The following SYT3 variants were observed in gnomAD, a reference collection of about 807,000 sequenced individuals.
SYT3 encodes the protein synaptotagmin 3, also known as synaptotagmin-3.
In SYT3, 25 loss-of-function variants were observed where a neutral mutation model predicts 50.6. The observed-to-expected ratio is 0.49, with a 90% CI of 0.36 to 0.69. The LOEUF (loss-of-function observed/expected upper bound fraction) is 0.69, where lower values mean the gene tolerates loss of function less well. Among genes scored for constraint, SYT3 ranks in the 30% least tolerant of loss-of-function variants. The probability of loss-of-function intolerance (pLI) is 0.00; values close to 1 mark genes in which losing one functional copy is unlikely to be tolerated. For missense variants in SYT3, 589 were observed against 793.6 expected (o/e 0.74, Z 3.10); for synonymous variants, 323 against 353.9 (o/e 0.91, Z 0.98).
chr19:50,637,208 A>G lies in SYT3; in HGVS notation c.148+56T>C, dbSNP rs1984522275. On this transcript the variant is annotated intron_variant, in intron 3 of 10. Coordinates refer to ENST00000600079, the MANE Select transcript of SYT3 (RefSeq NM_001160329.2). This position sits in a 1 kb window ranked among gnomAD's most constrained non-coding sequence, Gnocchi z 4.9. ...TGGAAAGCTGAGCAGTTCTGCTCCG[A>G]GTCTCCTGGCCATAGTGCAAGCAGG... The G allele has an allele frequency of 1.3e-6, 2 of 1,589,358 alleles. No individual in the cohort carries two copies. The highest frequency in any genetic ancestry group is 1.7e-6 in the Non-Finnish European group (2 of 1,163,010).
At chr19:50,636,203 G>A (rs929112075) in intron 3 of SYT3, among the ~76,000 whole-genome samples, 1 of 150,904 alleles carries the variant, frequency 6.6e-6, no homozygotes, top group African/African-American at 2.4e-5. Flanking sequence ...GCAGTGAGCC[G>A]AGATCCCACC....
At chr19:50,645,360 G>T in the SYT3 span, among the ~76,000 whole-genome samples, 1 of 152,136 alleles carries the variant, frequency 6.6e-6, no homozygotes, top group Non-Finnish European at 1.5e-5. Flanking sequence ...CACAGAAGCA[G>T]AGAGATGGGG....
Position 50,629,984 on chromosome 19 carries a change from C to A in SYT3, c.862G>T (p.Gly288Cys). 1 of 1,613,730 alleles carries A rather than the reference C, an allele frequency of 6.2e-7. No individual in the cohort carries two copies. The highest frequency in any genetic ancestry group is 8.5e-7 in the Non-Finnish European group (1 of 1,179,794). Residue 288 changes from glycine to cysteine, a missense_variant, in exon 5 of 11, where the codon GGC becomes TGC. This residue lies in a region of SYT3 where 273 missense variants were observed against 439.3 expected (regional missense o/e 0.62). Transcript: ENST00000600079. ...TGPGGRRSGGGPGSGEAGTGA... is the reference protein window; with the variant it reads ...TGPGGRRSGGCPGSGEAGTGA... ...GTGCCTGCCTCTCCAGAGCCTGGGC[C>A]CCCACCGCTCCGCCGGCCACCAGGG...
In SYT3 at chr19:50,639,420, T is replaced by A. The variant is rs903576790; in HGVS notation, c.-153-258A>T. On this transcript the variant is annotated intron_variant, in intron 1 of 10. Transcript: ENST00000600079. The surrounding 1 kb of genome is among the most constrained non-coding windows in gnomAD (Gnocchi z 4.6). Reference sequence around the variant, plus strand: ...CCGGGCTGCAGAGAGGATGGGATTTTTTTTTTTTTTTTAAGGTTTTGGGGG... The same window carrying A: ...CCGGGCTGCAGAGAGGATGGGATTTATTTTTTTTTTTTAAGGTTTTGGGGG... 8.3e-6 allele frequency: 1 copy of A among 121,178 alleles called. No homozygotes were observed. The highest frequency in any genetic ancestry group is 1.8e-5 in the Non-Finnish European group (1 of 56,546). 7.5% of individuals were successfully genotyped at this position (121,178 alleles called of 1,614,324 possible).
At chr19:50,640,141 C>G (rs888019734), upstream of SYT3, among the ~76,000 whole-genome samples, 1 of 152,156 alleles carries the variant, frequency 6.6e-6, no homozygotes, top group Admixed American at 6.5e-5. Flanking sequence ...GGCCCCTCTT[C>G]CCAGGAACCC....
At chr19:50,657,846 C>T in the SYT3 span, 15 of 1,092,924 alleles carry the variant, frequency 1.4e-5, no homozygotes, top group African/African-American at 1.8e-4. Flanking sequence ...CGACAGTACC[C>T]TGGGATTAAG....
intron 6 of SYT3, among the ~76,000 whole-genome samples, chr19:50,627,812 G>A (rs1984131916): frequency 6.6e-6 from 1 of 152,070 alleles, no homozygotes; most frequent in Admixed American, 6.6e-5. Flanking sequence ...ATGATGGAGA[G>A]AGAAAATGAG....
chr19:50,635,798 CAT>C (rs1247422932), intron 3 of SYT3, among the ~76,000 whole-genome samples: 19 of 152,214 alleles, frequency 1.2e-4, no homozygotes, highest in Non-Finnish European at 2.1e-4. Flanking sequence ...CATGCTGTCA[CAT>C]GTCGTTGCTG....
Position 50,625,769 on chromosome 19 carries a change from CA to C in SYT3, c.1402+127del. On this transcript the variant is annotated intron_variant, in intron 7 of 10. Transcript: ENST00000600079. The surrounding 1 kb of genome is among the most constrained non-coding windows in gnomAD (Gnocchi z 7.5). ...TCCAGGCCCCTGGCCCCTCCTCCCT[CA>C]GACCCAGGAGTCCAGATCCCCAGCT... 29 of 716,574 alleles carry C rather than the reference CA, an allele frequency of 4.0e-5. 6 individuals carry two copies. Among genetic ancestry groups the C allele is most frequent in the South Asian group, 1.2e-4 (7 of 57,772 alleles). 44.4% of individuals were successfully genotyped at this position (716,574 alleles called of 1,614,324 possible). A position where few individuals can be genotyped will look rare whatever the true frequency, so the allele number is the denominator to read the frequency against.
the SYT3 span, among the ~76,000 whole-genome samples, chr19:50,656,752 G>C: frequency 3.9e-5 from 6 of 152,228 alleles, no homozygotes; most frequent in South Asian, 1.2e-3. Flanking sequence ...AGGAGTTTGA[G>C]ACTAGCCTGG....
rs1234916957 is a variant in SYT3, at chr19:50,625,305, G to A, written c.1575-11C>T. 2.0e-6 allele frequency: 3 copies of A among 1,531,958 alleles called. No homozygotes were observed. The highest frequency in any genetic ancestry group is 2.6e-6 in the Non-Finnish European group (3 of 1,140,816). The allele number at this position is 1,531,958 out of a possible 1,614,324, so 94.9% of individuals were successfully genotyped here. A position where few individuals can be genotyped will look rare whatever the true frequency, so the allele number is the denominator to read the frequency against. On this transcript the variant is annotated splice_polypyrimidine_tract_variant and intron_variant, in intron 8 of 10. Transcript: ENST00000600079. The surrounding 1 kb of genome is among the most constrained non-coding windows in gnomAD (Gnocchi z 7.5). Reference sequence around the variant, plus strand: ...TCGTTGTGCCCGATGCTGGGGGTTGGGGTCAGTGAGGACCGTGGAGGGTGG... The same window carrying A: ...TCGTTGTGCCCGATGCTGGGGGTTGAGGTCAGTGAGGACCGTGGAGGGTGG...
chr19:50,646,155 T>C, the SYT3 span, among the ~76,000 whole-genome samples: 1 of 152,152 alleles, frequency 6.6e-6, no homozygotes, highest in Non-Finnish European at 1.5e-5. Context: ...TTTGGGTGCC[T>C]CCTTGGTGCC....
rs2122999026 is a variant in SYT3, at chr19:50,625,800, C to T, written c.1402+97G>A. On this transcript the variant is annotated intron_variant, in intron 7 of 10. Transcript: ENST00000600079. This position sits in a 1 kb window ranked among gnomAD's most constrained non-coding sequence, Gnocchi z 7.5. ...CAGGAGTCCAGATCCCCAGCTCCTC[C>T]TCCCTCAGACCCAGGAGTCCAGGCC... 8.0e-6 allele frequency: 5 copies of T among 623,754 alleles called. 1 individual carries two copies. Among genetic ancestry groups the T allele is most frequent in the South Asian group, 5.3e-5 (3 of 56,296 alleles). 38.6% of individuals were successfully genotyped at this position (623,754 alleles called of 1,614,324 possible).
chr19:50,655,945 A>G, the SYT3 span: 10 of 1,069,710 alleles, frequency 9.3e-6, no homozygotes, highest in Non-Finnish European at 4.1e-6. Context: ...CTGGCATACA[A>G]GCTATTCTGG....
chr19:50,631,505 A>T (rs1984305700), intron 4 of SYT3, among the ~76,000 whole-genome samples: 1 of 152,054 alleles, frequency 6.6e-6, no homozygotes, highest in Non-Finnish European at 1.5e-5. Flanking sequence ...TGCCTTGGTG[A>T]CTAAGGCTTG....
At position 50,625,022 on chromosome 19, in the gene SYT3, G is replaced by T; in HGVS notation, c.1707+140C>A. ...TGGGTAACTGGCTCTAAGCCGCACAGCTAAAGTTGGCACAGCAGGGATTGA... is the reference window on the plus strand; with the variant it reads ...TGGGTAACTGGCTCTAAGCCGCACATCTAAAGTTGGCACAGCAGGGATTGA... On this transcript the variant is annotated intron_variant, in intron 9 of 10. Transcript: ENST00000600079. This position sits in a 1 kb window ranked among gnomAD's most constrained non-coding sequence, Gnocchi z 7.5. 1.1e-6 allele frequency: 1 copy of T among 945,492 alleles called. No individual in the cohort carries two copies. The highest frequency in any genetic ancestry group is 1.4e-6 in the Non-Finnish European group (1 of 699,682). The allele number at this position is 945,492 out of a possible 1,614,324, so 58.6% of individuals were successfully genotyped here.
At chr19:50,649,857 C>T in the SYT3 span, 1 of 479,602 alleles carries the variant, frequency 2.1e-6, no homozygotes, top group East Asian at 6.2e-5. Context: ...AGCTGCTCTC[C>T]TCCTTCCTGG....
At chr19:50,654,482 G>A in the SYT3 span, among the ~76,000 whole-genome samples, 1 of 150,542 alleles carries the variant, frequency 6.6e-6, no homozygotes, top group African/African-American at 2.4e-5. Flanking sequence ...TGTATTTTTA[G>A]TAGATGGGGT....
intron 6 of SYT3, among the ~76,000 whole-genome samples, chr19:50,628,971 G>A (rs978812432): frequency 6.6e-6 from 1 of 151,912 alleles, no homozygotes; most frequent in Non-Finnish European, 1.5e-5. Flanking sequence ...TTACAGGCAT[G>A]TGCCACCATG....
Sources: allele counts gnomAD v4.1 joint callset (sites outside exome capture counted in the v4.1 genomes callset), GRCh38; gene constraint gnomAD v4.1.1; regional missense constraint gnomAD v4.1.1; non-coding constraint Gnocchi (gnomAD v3.1); transcripts MANE v1.5; gene names NCBI Gene and HGNC (gene_info 2026-07-23, HGNC 2026-07-21).